Variants in SUPT3H observed in about 807,000 individuals in gnomAD.
SUPT3H encodes transcription initiation protein SPT3 homolog.
In SUPT3H, 44 loss-of-function variants were observed where a neutral mutation model predicts 44.3. The ratio of observed to expected loss-of-function variants is 0.99; its 90% CI spans 0.78 to 1.28. SUPT3H has a LOEUF of 1.28. Ranked by LOEUF, SUPT3H falls within the 50% of genes most tolerant of loss-of-function variation. The pLI is 0.00. For missense variants in SUPT3H, 380 were observed against 387.1 expected (o/e 0.98, Z 0.15); for synonymous variants, 124 against 125.6 (o/e 0.99, Z 0.09).
At chr6:45,344,968 G>T (rs1158990670) in intron 2 of SUPT3H, among the ~76,000 whole-genome samples, 1 of 152,102 alleles carries the variant, frequency 6.6e-6, no homozygotes, top group Non-Finnish European at 1.5e-5. Context: ...CTTCATTCTG[G>T]TGAGTTTAGA....
intron 10 of SUPT3H, among the ~76,000 whole-genome samples, chr6:44,846,630 ATTTTT>A (rs371582941): frequency 1.4e-5 from 2 of 146,602 alleles, no homozygotes; most frequent in Non-Finnish European, 3.0e-5. Context: ...TCCCAATTGA[ATTTTT>A]TTTTTTTTCT....
chr6:44,825,229 T>C (rs1161760760), downstream of SUPT3H, among the ~76,000 whole-genome samples: 5 of 152,238 alleles, frequency 3.3e-5, no homozygotes, highest in Admixed American at 6.5e-5. Flanking sequence ...GCTTAAGACA[T>C]TATTAAAAAC....
chr6:45,264,147 AAC>A (rs1774865786), intron 2 of SUPT3H, among the ~76,000 whole-genome samples: 1 of 152,330 alleles, frequency 6.6e-6, no homozygotes, highest in African/African-American at 2.4e-5. Context: ...AAGAAATGAA[AAC>A]ACTTATTTTT....
chr6:45,262,125 A>G (rs1204389889), intron 2 of SUPT3H, among the ~76,000 whole-genome samples: 3 of 152,160 alleles, frequency 2.0e-5, no homozygotes, highest in African/African-American at 7.2e-5. Flanking sequence ...GCAAGAATCA[A>G]TATTGTTAAA....
chr6:45,377,658 TGGCCGGCGCGGG>T (rs993136851), intron 1 of SUPT3H, 98 bp downstream of exon 1: 4 of 152,108 alleles, frequency 2.6e-5, no homozygotes, highest in African/African-American at 9.7e-5. Context: ...GGCCAGGGCG[TGGCCGGCGCGGG>T]GGCCCAGCGA....
At chr6:45,310,489 A>G (rs190630321) in intron 2 of SUPT3H, among the ~76,000 whole-genome samples, 14 of 152,266 alleles carry the variant, frequency 9.2e-5, no homozygotes, top group Admixed American at 2.6e-4. Context: ...AAAATAGAGC[A>G]TTAAACCACC....
Position 45,095,462 on chromosome 6 carries a change from CCAGAT to C in SUPT3H, c.186+10455_186+10459del, listed in dbSNP as rs1366972322. On this transcript the variant is annotated intron_variant, in intron 3 of 10. Coordinates refer to ENST00000371459, the MANE Select transcript of SUPT3H (RefSeq NM_003599.4). This position sits in a 1 kb window ranked among gnomAD's most constrained non-coding sequence, Gnocchi z 4.1. ...AGGGGTGAATTCAGTGCATTTTAATCCAGATCGGAGATTAAGCCATAACTCTTCAC... is the reference window on the plus strand; with the variant it reads ...AGGGGTGAATTCAGTGCATTTTAATCCGGAGATTAAGCCATAACTCTTCAC... 1.8e-5 allele frequency among the ~76,000 whole-genome samples: 1 copy of C among 55,296 alleles called. No individual in the cohort carries two copies. Among genetic ancestry groups the C allele is most frequent in the East Asian group, 2.3e-3 (1 of 442 alleles). The allele number at this position is 55,296 out of a possible 152,430, so 36.3% of individuals were successfully genotyped here.
At chr6:45,297,440 T>A (rs1031323537) in intron 2 of SUPT3H, among the ~76,000 whole-genome samples, 1 of 152,236 alleles carries the variant, frequency 6.6e-6, no homozygotes, top group Non-Finnish European at 1.5e-5. Flanking sequence ...AAATAGTTGG[T>A]TTGTGTTTAA....
At chr6:44,942,712 C>T (rs1337787475) in intron 9 of SUPT3H, among the ~76,000 whole-genome samples, 3 of 152,096 alleles carry the variant, frequency 2.0e-5, no homozygotes, top group Non-Finnish European at 4.4e-5. Context: ...TAACAAGTGC[C>T]GTCACGTATG....
At chr6:45,354,919 A>AT (rs1365171948) in intron 2 of SUPT3H, among the ~76,000 whole-genome samples, 1 of 152,144 alleles carries the variant, frequency 6.6e-6, no homozygotes, top group East Asian at 1.9e-4. Flanking sequence ...GTATTTTTTA[A>AT]TTTTTTGTAT....
intron 2 of SUPT3H, among the ~76,000 whole-genome samples, chr6:45,329,491 C>T (rs1787023391): frequency 1.3e-5 from 2 of 151,630 alleles, no homozygotes; most frequent in Admixed American, 1.3e-4. Flanking sequence ...CATGCAACTG[C>T]ATTTTTCTAT....
intron 4 of SUPT3H, among the ~76,000 whole-genome samples, chr6:45,020,178 C>T (rs979854324): frequency 2.6e-5 from 4 of 151,728 alleles, no homozygotes; most frequent in African/African-American, 7.3e-5. Context: ...GTCTATAATC[C>T]TGGTAATGTT....
intron 3 of SUPT3H, among the ~76,000 whole-genome samples, chr6:45,073,086 T>C (rs899831992): frequency 3.5e-4 from 53 of 152,146 alleles, no homozygotes; most frequent in African/African-American, 1.3e-3. Context: ...TCATCTCTTA[T>C]CTATACTCAC....
At chr6:45,051,249 T>C (rs1327975419) in intron 3 of SUPT3H, among the ~76,000 whole-genome samples, 4 of 151,860 alleles carry the variant, frequency 2.6e-5, no homozygotes, top group South Asian at 2.1e-4. Flanking sequence ...TAAGCTACAA[T>C]ATGGGGAGGG....
At chr6:45,226,925 T>C (rs917036883) in intron 2 of SUPT3H, among the ~76,000 whole-genome samples, 7 of 152,012 alleles carry the variant, frequency 4.6e-5, no homozygotes, top group Non-Finnish European at 1.0e-4. Flanking sequence ...GCTTGAGCCC[T>C]GTTCGAGGTT....
intron 2 of SUPT3H, among the ~76,000 whole-genome samples, chr6:45,191,483 T>C (rs966140607): frequency 1.3e-4 from 20 of 152,268 alleles, no homozygotes; most frequent in African/African-American, 4.8e-4. Context: ...AGTAATATAA[T>C]GGTGGATAAA....
chr6:45,027,184 T>TTC (rs1250211498), intron 3 of SUPT3H, among the ~76,000 whole-genome samples: 1 of 152,000 alleles, frequency 6.6e-6, no homozygotes, highest in Non-Finnish European at 1.5e-5. Flanking sequence ...AGAGACAGGG[T>TTC]TCTGCCACGT....
chr6:44,887,174 C>CT (rs1308725271), intron 10 of SUPT3H, among the ~76,000 whole-genome samples: 7 of 152,236 alleles, frequency 4.6e-5, no homozygotes, highest in African/African-American at 1.4e-4. Flanking sequence ...TAATGGGAGA[C>CT]TTTAACACCC....
intron 2 of SUPT3H, among the ~76,000 whole-genome samples, chr6:45,204,846 T>A (rs1027486133): frequency 4.6e-5 from 7 of 152,188 alleles, no homozygotes; most frequent in Non-Finnish European, 1.0e-4. Flanking sequence ...CTATTATTAT[T>A]CCTTTCTTAC....
Sources: gnomAD v4.1 joint callset for allele counts (sites outside exome capture counted in the v4.1 genomes callset) on GRCh38, gnomAD v4.1.1 for gene constraint, Gnocchi (gnomAD v3.1) non-coding constraint, MANE v1.5 for transcripts, NCBI Gene and HGNC (gene_info 2026-07-23, HGNC 2026-07-21) for gene names.